Variants in BRINP3 observed in about 807,000 individuals in gnomAD.
BRINP3 encodes BMP/retinoic acid-inducible neural-specific protein 3.
Under a neutral mutation model 71.0 loss-of-function variants are expected in BRINP3, and 19 were observed. The ratio of observed to expected loss-of-function variants is 0.27; its 90% CI spans 0.19 to 0.39. The LOEUF (loss-of-function observed/expected upper bound fraction) is 0.39, where lower values mean the gene tolerates loss of function less well. Among genes scored for constraint, BRINP3 ranks in the 10% least tolerant of loss-of-function variants. BRINP3 has a pLI of 1.00. For missense variants in BRINP3, 959 were observed against 940.8 expected (o/e 1.02, Z -0.25); for synonymous variants, 380 against 337.7 (o/e 1.13, Z -1.37).
chr1:190,251,994 A>G (rs1309661641), intron 4 of BRINP3, among the ~76,000 whole-genome samples: 1 of 152,088 alleles, frequency 6.6e-6, no homozygotes, highest in Non-Finnish European at 1.5e-5. Flanking sequence ...CATTCAATAG[A>G]TGAGAGAACA....
At chr1:190,143,018 A>T (rs531977771) in intron 7 of BRINP3, among the ~76,000 whole-genome samples, 1 of 152,316 alleles carries the variant, frequency 6.6e-6, no homozygotes, top group African/African-American at 2.4e-5. Context: ...AAATAGGAGA[A>T]GAGAGCCTAG....
At chr1:190,127,691 GTAAA>G (rs1654202037) in intron 7 of BRINP3, among the ~76,000 whole-genome samples, 1 of 151,808 alleles carries the variant, frequency 6.6e-6, no homozygotes, top group African/African-American at 2.4e-5. Flanking sequence ...GAAAGACTTA[GTAAA>G]GATTGCACAT....
intron 2 of BRINP3, among the ~76,000 whole-genome samples, chr1:190,374,234 A>T (rs886392991): frequency 6.6e-6 from 1 of 152,120 alleles, no homozygotes; most frequent in Admixed American, 6.5e-5. Context: ...GACATAACAT[A>T]ATAAGAATCA....
intron 2 of BRINP3, among the ~76,000 whole-genome samples, chr1:190,399,368 T>C (rs1386041129): frequency 6.6e-6 from 1 of 151,806 alleles, no homozygotes; most frequent in African/African-American, 2.4e-5. Context: ...ATAGAAAATC[T>C]ACCCAGGGGA....
chr1:190,135,711 G>T (rs1274208202), intron 7 of BRINP3, among the ~76,000 whole-genome samples: 1 of 152,018 alleles, frequency 6.6e-6, no homozygotes, highest in African/African-American at 2.4e-5. Context: ...TCATGATTTT[G>T]TAAAGGGGTA....
chr1:190,123,831 C>T (rs1041662222), intron 7 of BRINP3, among the ~76,000 whole-genome samples: 4 of 152,056 alleles, frequency 2.6e-5, no homozygotes, highest in African/African-American at 9.7e-5. Flanking sequence ...TTGGTAAGCG[C>T]TCTCTTTTAA....
chr1:190,265,258 G>T (rs955555175), intron 3 of BRINP3, among the ~76,000 whole-genome samples: 1 of 151,900 alleles, frequency 6.6e-6, no homozygotes, highest in Non-Finnish European at 1.5e-5. Flanking sequence ...CTTTAAACAC[G>T]TAGTTACTGA....
chr1:190,136,864 A>G (rs1655016519), intron 7 of BRINP3, among the ~76,000 whole-genome samples: 1 of 152,104 alleles, frequency 6.6e-6, no homozygotes, highest in Non-Finnish European at 1.5e-5. Context: ...ACTACATAAC[A>G]GATATTTATT....
At position 190,421,608 on chromosome 1, in the gene BRINP3, T is replaced by C. The variant is rs1673391693; in HGVS notation, c.236+33047A>G. 2.0e-5 allele frequency among the ~76,000 whole-genome samples: 3 copies of C among 151,680 alleles called. No homozygotes were observed. The South Asian group carries it at 6.2e-4, about 31-fold the overall frequency. On this transcript the variant is annotated intron_variant, in intron 2 of 7. Coordinates refer to ENST00000367462, the MANE Select transcript of BRINP3 (RefSeq NM_199051.3). ...GGAATGAGTCATTAATGTGACCATA[T>C]AATAAATATCACATGTCACTTATGT...
rs565176990 is a variant in BRINP3, at chr1:190,361,077, G to C, written c.237-79327C>G. ...TCGGGGTGGGGAGGTGGTTGAACTT[G>C]CTCAGAGAATAGTGAGCAGATACAT... is the stretch of plus-strand genomic sequence containing the variant. On this transcript the variant is annotated intron_variant, in intron 2 of 7. Transcript: ENST00000367462. Among the ~76,000 whole-genome samples the C allele has an allele frequency of 7.9e-5, 12 of 151,980 alleles. No individual in the cohort carries two copies. The South Asian group carries it at 2.5e-3, about 32-fold the overall frequency.
At chr1:190,206,489 C>T (rs573472299) in intron 6 of BRINP3, among the ~76,000 whole-genome samples, 5 of 151,498 alleles carry the variant, frequency 3.3e-5, no homozygotes, top group South Asian at 4.2e-4. Context: ...AGAAAAAAAA[C>T]GTGTATGTGT....
At chr1:190,115,046 C>T (rs1280989113) in intron 7 of BRINP3, among the ~76,000 whole-genome samples, 1 of 151,942 alleles carries the variant, frequency 6.6e-6, no homozygotes, top group Non-Finnish European at 1.5e-5. Flanking sequence ...TTTCATTTTT[C>T]TGCTTTTAAA....
chr1:190,439,044 A>G (rs6658194), intron 2 of BRINP3, among the ~76,000 whole-genome samples: 22,791 of 151,788 alleles, frequency 0.15, 1,856 homozygotes, highest in South Asian at 0.21. Context: ...CTTTCTATCT[A>G]TTGTGTCTAA....
At chr1:190,236,742 T>C (rs966761499) in intron 4 of BRINP3, among the ~76,000 whole-genome samples, 3 of 151,974 alleles carry the variant, frequency 2.0e-5, no homozygotes, top group African/African-American at 7.2e-5. Context: ...AATATTTAAA[T>C]ATAAATTAGT....
At chr1:190,109,269 A>AT (rs1333156688) in intron 7 of BRINP3, among the ~76,000 whole-genome samples, 1 of 152,170 alleles carries the variant, frequency 6.6e-6, no homozygotes, top group Non-Finnish European at 1.5e-5. Context: ...TTTACATATG[A>AT]TATGTAGATT....
intron 2 of BRINP3, among the ~76,000 whole-genome samples, chr1:190,327,573 T>G (rs187156071): frequency 1.3e-5 from 2 of 148,764 alleles, no homozygotes; most frequent in Non-Finnish European, 3.0e-5. Context: ...AAGGAAAAAA[T>G]ATAAAGAATT....
chr1:190,186,383 A>T (rs1016949942), intron 6 of BRINP3, among the ~76,000 whole-genome samples: 1 of 152,076 alleles, frequency 6.6e-6, no homozygotes, highest in African/African-American at 2.4e-5. Context: ...AAACATACAA[A>T]CCAACAAACA....
At chr1:190,166,883 C>G (rs1178062784) in intron 6 of BRINP3, among the ~76,000 whole-genome samples, 1 of 152,072 alleles carries the variant, frequency 6.6e-6, no homozygotes, top group Non-Finnish European at 1.5e-5. Context: ...ACCACTACTT[C>G]CGGCTAGTTT....
At chr1:190,351,005 A>G (rs950273452) in intron 2 of BRINP3, among the ~76,000 whole-genome samples, 2 of 151,556 alleles carry the variant, frequency 1.3e-5, no homozygotes, top group Non-Finnish European at 2.9e-5. Flanking sequence ...GGGTTTTTCC[A>G]TGTTGTCAGG....
Sources: gnomAD v4.1 joint callset for allele counts (sites outside exome capture counted in the v4.1 genomes callset) on GRCh38, gnomAD v4.1.1 for gene constraint, MANE v1.5 for transcripts, NCBI Gene and HGNC (gene_info 2026-07-23, HGNC 2026-07-21) for gene names.